Variants in MYO3B observed in about 807,000 individuals in gnomAD.
MYO3B encodes myosin IIIB.
In MYO3B, 156 loss-of-function variants were observed where a neutral mutation model predicts 174.6. The ratio of observed to expected loss-of-function variants is 0.89; its 90% CI spans 0.78 to 1.02. The LOEUF (loss-of-function observed/expected upper bound fraction) is 1.02. Ranked by LOEUF, MYO3B falls within the 50% of genes least tolerant of loss-of-function variation. The pLI, the probability that MYO3B is intolerant of heterozygous loss-of-function variation, is 0.00. For synonymous variants in MYO3B, 563 were observed against 569.1 expected, an observed-to-expected ratio of 0.99 and a Z score of 0.15; for missense variants, 1,632 against 1,639.4, an observed-to-expected ratio of 1.00 and a Z score of 0.08.
intron 32 of MYO3B, among the ~76,000 whole-genome samples, chr2:170,585,320 G>T (rs1693433481): frequency 6.6e-6 from 1 of 152,108 alleles, no homozygotes; most frequent in African/African-American, 2.4e-5. Context: ...CCTGAGCCAA[G>T]AAGAGTTTCA....
intron 6 of MYO3B, among the ~76,000 whole-genome samples, chr2:170,231,642 C>A (rs1182572767): frequency 1.3e-5 from 2 of 152,246 alleles, no homozygotes; most frequent in African/African-American, 4.8e-5. Flanking sequence ...TGAAGCTCAT[C>A]TTCCTTAACA....
rs183968348 is a variant in MYO3B, at chr2:170,208,292, G to A, written c.322-6087G>A. Reference sequence around the variant, plus strand: ...ATCATAAGCCAAATGCTAAGGTGAAGCTGTGGAATTGAGTCCTCCTCCAAC... The same window carrying A: ...ATCATAAGCCAAATGCTAAGGTGAAACTGTGGAATTGAGTCCTCCTCCAAC... On this transcript the variant is annotated intron_variant, in intron 3 of 34. Coordinates refer to ENST00000408978, the MANE Select transcript of MYO3B (RefSeq NM_138995.5). Among the ~76,000 whole-genome samples the A allele has an allele frequency of 3.5e-4, 54 of 152,298 alleles. 1 individual carries two copies. In the East Asian group the frequency reaches 9.1e-3, roughly 26 times the overall value.
chr2:170,318,624 AAG>A (rs2105488139), intron 7 of MYO3B, among the ~76,000 whole-genome samples: 1 of 152,316 alleles, frequency 6.6e-6, no homozygotes, highest in African/African-American at 2.4e-5. Context: ...TCAAATAAGT[AAG>A]AGTCATATAT....
chr2:170,621,886 T>G (rs1286439231), intron 32 of MYO3B, among the ~76,000 whole-genome samples: 1 of 152,130 alleles, frequency 6.6e-6, no homozygotes, highest in East Asian at 1.9e-4. Context: ...TTCTGCCATG[T>G]ATTACCATGT....
chr2:170,398,809 G>A (rs916135836), intron 16 of MYO3B, among the ~76,000 whole-genome samples: 10 of 152,130 alleles, frequency 6.6e-5, no homozygotes, highest in Non-Finnish European at 1.3e-4. Context: ...AAGCATACTC[G>A]AGTCCTGCAG....
intron 22 of MYO3B, among the ~76,000 whole-genome samples, chr2:170,436,260 G>T (rs947323700): frequency 6.6e-6 from 1 of 152,034 alleles, no homozygotes; most frequent in Non-Finnish European, 1.5e-5. Flanking sequence ...GGCTGTCTAG[G>T]GGGTGAAGCA....
intron 32 of MYO3B, among the ~76,000 whole-genome samples, chr2:170,558,125 T>C (rs1043923736): frequency 1.3e-4 from 19 of 151,886 alleles, no homozygotes; most frequent in East Asian, 3.9e-4. Context: ...CACGGTGAAA[T>C]CCCATCTCTA....
rs561403063 is a variant in MYO3B at position 170,501,974 on chromosome 2, C to G, written c.3370+109C>G. 4 of 717,188 alleles carry G rather than the reference C, an allele frequency of 5.6e-6. No homozygotes were observed. In the Admixed American group the frequency reaches 9.4e-5, roughly 17 times the overall value. The allele number at this position is 717,188 out of a possible 1,614,324, so 44.4% of individuals were successfully genotyped here. ...ATAATTCAGGAGCACTGGAATGAGT[C>G]AAGAGTTCTGGGAGACAGGAGTCCT... On this transcript the variant is annotated intron_variant, in intron 28 of 34. Transcript: ENST00000408978.
At chr2:170,329,154 A>G (rs1195108273) in intron 7 of MYO3B, among the ~76,000 whole-genome samples, 2 of 146,252 alleles carry the variant, frequency 1.4e-5, no homozygotes, top group Non-Finnish European at 3.0e-5. Flanking sequence ...TCTGTCTCCA[A>G]AAAAAAAAAT....
intron 22 of MYO3B, among the ~76,000 whole-genome samples, chr2:170,417,946 T>C (rs542517137): frequency 1.1e-4 from 17 of 152,298 alleles, no homozygotes; most frequent in African/African-American, 3.1e-4. Context: ...AGGATCTTTC[T>C]GAGTGGGAGG....
chr2:170,601,761 T>A, intron 32 of MYO3B: 1 of 1,405,780 alleles, frequency 7.1e-7, no homozygotes, highest in African/African-American at 1.4e-5. Flanking sequence ...CTGTATCCTT[T>A]TTGTATTTTT....
At chr2:170,599,244 G>A (rs1031569614) in intron 32 of MYO3B, among the ~76,000 whole-genome samples, 3 of 152,104 alleles carry the variant, frequency 2.0e-5, no homozygotes, top group South Asian at 2.1e-4. Flanking sequence ...AATACTGTTC[G>A]TACTGGTAGC....
rs751614144 is a variant in MYO3B at position 170,391,552 on chromosome 2, T to C, written c.1610T>C (p.Ile537Thr). 3.4e-5 allele frequency: 53 copies of C among 1,568,810 alleles called. No individual in the cohort carries two copies. The highest frequency in any genetic ancestry group is 4.5e-5 in the Non-Finnish European group (52 of 1,160,896). The change falls in exon 15 of 35, where the codon ATT becomes ACT. Residue 537 changes from isoleucine (I) to threonine (T), a missense_variant. Ile to Thr is a moderately conservative substitution (Grantham distance 89). Transcript: ENST00000408978. ...AAAAATTTTCATATATTTTACTATA[T>C]TTATGCTGGTCTTCATCACCAAAAG... ...REKNFHIFYY[I>T]YAGLHHQKKL...
At chr2:170,515,294 G>T (rs923629806) in intron 29 of MYO3B, among the ~76,000 whole-genome samples, 36 of 152,224 alleles carry the variant, frequency 2.4e-4, no homozygotes, top group African/African-American at 8.7e-4. Flanking sequence ...CACTGGTCTA[G>T]TTGCAGCTCT....
At chr2:170,240,410 C>T (rs1405377339) in intron 7 of MYO3B, among the ~76,000 whole-genome samples, 2 of 152,214 alleles carry the variant, frequency 1.3e-5, no homozygotes, top group African/African-American at 2.4e-5. Flanking sequence ...CCCACAGCAA[C>T]TCTGTGAAGT....
chr2:170,601,654 C>T, intron 32 of MYO3B: 1 of 1,362,254 alleles, frequency 7.3e-7, no homozygotes. Context: ...TAATCCTCTT[C>T]ATCTTCTGTC....
intron 7 of MYO3B, among the ~76,000 whole-genome samples, chr2:170,261,881 T>G (rs2093348323): frequency 6.6e-6 from 1 of 152,122 alleles, no homozygotes. Flanking sequence ...AAATAGAATA[T>G]AGGATAGCAT....
chr2:170,295,371 TC>T (rs1453313796), intron 7 of MYO3B, among the ~76,000 whole-genome samples: 9 of 82,486 alleles, frequency 1.1e-4, no homozygotes, highest in African/African-American at 1.6e-4. Flanking sequence ...TTATTGTTTC[TC>T]TTTTCCCCCA....
intron 8 of MYO3B, among the ~76,000 whole-genome samples, chr2:170,368,578 C>A (rs1005998318): frequency 1.3e-5 from 2 of 152,164 alleles, no homozygotes; most frequent in African/African-American, 4.8e-5. Context: ...TTAAATGCAA[C>A]CCAATTTTTA....
Sources: allele counts gnomAD v4.1 joint callset (sites outside exome capture counted in the v4.1 genomes callset), GRCh38; gene constraint gnomAD v4.1.1; transcripts MANE v1.5; gene names NCBI Gene and HGNC (gene_info 2026-07-23, HGNC 2026-07-21).